ADAMTSL1: variants seen among roughly 807,000 people sequenced by gnomAD.
ADAMTSL1 encodes ADAMTS like 1.
Under a neutral mutation model 201.8 loss-of-function variants are expected in ADAMTSL1, and 126 were observed. That is an observed-to-expected ratio of 0.62 (90% CI 0.54 to 0.72). ADAMTSL1 has a LOEUF of 0.72. Ranked by LOEUF, ADAMTSL1 falls within the 30% of genes least tolerant of loss-of-function variation. ADAMTSL1 has a pLI of 0.00. For synonymous variants in ADAMTSL1, 1,121 were observed against 903.4 expected (o/e 1.24, Z -4.32); for missense variants, 2,679 against 2,277.8 (o/e 1.18, Z -3.59).
intron 1 of ADAMTSL1, among the ~76,000 whole-genome samples, chr9:17,955,425 A>T (rs532241920): frequency 2.0e-5 from 3 of 152,328 alleles, no homozygotes; most frequent in East Asian, 1.9e-4. Context: ...TGAAATTCTA[A>T]TAAAATTCCA....
intron 21 of ADAMTSL1, among the ~76,000 whole-genome samples, chr9:18,821,772 C>A (rs1354497760): frequency 6.6e-6 from 1 of 152,164 alleles, no homozygotes; most frequent in East Asian, 1.9e-4. Flanking sequence ...TAGAATTTCC[C>A]ATGTAAAGGT....
intron 1 of ADAMTSL1, among the ~76,000 whole-genome samples, chr9:18,125,295 A>G (rs955884277): frequency 6.6e-6 from 1 of 152,120 alleles, no homozygotes; most frequent in African/African-American, 2.4e-5. Context: ...CTCATTCACT[A>G]CCATGAGAAC....
At chr9:17,908,613 C>T (rs999359297) in intron 1 of ADAMTSL1, among the ~76,000 whole-genome samples, 6 of 152,048 alleles carry the variant, frequency 3.9e-5, no homozygotes, top group Non-Finnish European at 5.9e-5. Flanking sequence ...TTTGCCACGA[C>T]GCCTGGCTAA....
chr9:18,817,087 T>C (rs1823905633), intron 20 of ADAMTSL1, 22 bp from the exon 21 acceptor site: 1 of 1,607,334 alleles, frequency 6.2e-7, no homozygotes, highest in African/African-American at 1.3e-5. Context: ...AAGTAACATC[T>C]CATATTCTTT....
chr9:18,884,074 C>T (rs1828704909), intron 23 of ADAMTSL1, among the ~76,000 whole-genome samples: 1 of 151,874 alleles, frequency 6.6e-6, no homozygotes, highest in Non-Finnish European at 1.5e-5. Flanking sequence ...TATTTGCAAA[C>T]ATTTATATTT....
rs149747298 is a variant in ADAMTSL1 at position 18,871,907 on chromosome 9, C to T, written c.4250-15924C>T. On this transcript the variant is annotated intron_variant, in intron 23 of 28. Transcript: ENST00000380548. Reference sequence around the variant, plus strand: ...GATAATACCACTTCCCGTCTTCAGGCGTCTTCAGGCATCTTCAGGGATTCC... The same window carrying T: ...GATAATACCACTTCCCGTCTTCAGGTGTCTTCAGGCATCTTCAGGGATTCC... 3.2e-4 allele frequency among the ~76,000 whole-genome samples: 49 copies of T among 152,260 alleles called. No individual in the cohort carries two copies. In the East Asian group the frequency reaches 8.7e-3, roughly 27 times the overall value.
intron 26 of ADAMTSL1, 71 bp downstream of exon 26, chr9:18,892,667 A>C: frequency 3.4e-6 from 5 of 1,485,478 alleles, no homozygotes; most frequent in Non-Finnish European, 4.5e-6. Flanking sequence ...GTAGGAAGTG[A>C]AATGCTATCA....
chr9:18,197,928 G>C (rs934016123), intron 2 of ADAMTSL1, among the ~76,000 whole-genome samples: 6 of 152,028 alleles, frequency 3.9e-5, no homozygotes, highest in East Asian at 1.9e-4. Context: ...CAATGGAACA[G>C]AACAGAGCCC....
intron 13 of ADAMTSL1, among the ~76,000 whole-genome samples, chr9:18,701,692 C>A (rs1431135142): frequency 6.6e-6 from 1 of 152,084 alleles, no homozygotes; most frequent in African/African-American, 2.4e-5. Flanking sequence ...AAACCTATAC[C>A]TAAATTGAGT....
intron 15 of ADAMTSL1, among the ~76,000 whole-genome samples, chr9:18,747,691 A>G (rs767003543): frequency 6.6e-6 from 1 of 152,160 alleles, no homozygotes; most frequent in Non-Finnish European, 1.5e-5. Flanking sequence ...TAGTATTACT[A>G]TTGTTATTGG....
chr9:18,359,159 C>G (rs1836388158), intron 2 of ADAMTSL1, among the ~76,000 whole-genome samples: 1 of 151,680 alleles, frequency 6.6e-6, no homozygotes, highest in Non-Finnish European at 1.5e-5. Context: ...ACATGCTGGG[C>G]TGAAGTGACT....
chr9:18,798,223 T>C (rs1046147269), intron 20 of ADAMTSL1, among the ~76,000 whole-genome samples: 4 of 152,166 alleles, frequency 2.6e-5, no homozygotes, highest in African/African-American at 9.7e-5. Context: ...TCATAATGAT[T>C]CACAAAAGCA....
intron 1 of ADAMTSL1, among the ~76,000 whole-genome samples, chr9:17,944,262 G>A (rs536953725): frequency 2.2e-4 from 33 of 152,258 alleles, no homozygotes; most frequent in Middle Eastern, 3.4e-3. Context: ...TACAAGGGAC[G>A]TGAAGGACAT....
intron 15 of ADAMTSL1, among the ~76,000 whole-genome samples, chr9:18,726,133 T>C (rs1190954308): frequency 6.6e-6 from 1 of 152,226 alleles, no homozygotes; most frequent in East Asian, 1.9e-4. Flanking sequence ...GTACTTCTAG[T>C]TTAAAAGAAA....
chr9:18,775,539 C>G lies in ADAMTSL1; in HGVS notation c.2398-204C>G, dbSNP rs77808770. Among the ~76,000 whole-genome samples the G allele has an allele frequency of 7.9e-5, 12 of 152,278 alleles. No individual in the cohort carries two copies. The South Asian group carries it at 1.9e-3, about 24-fold the overall frequency. On this transcript the variant is annotated intron_variant, in intron 17 of 28. Coordinates refer to ENST00000380548, the MANE Select transcript of ADAMTSL1 (RefSeq NM_001040272.6). ...AATAGATAAAAGGTCTTCAGGAAAC[C>G]TCAGAGTAGAAAATCTTAGAGTGCA...
At chr9:18,874,286 C>G (rs755502162) in intron 23 of ADAMTSL1, among the ~76,000 whole-genome samples, 1 of 152,028 alleles carries the variant, frequency 6.6e-6, no homozygotes, top group Non-Finnish European at 1.5e-5. Context: ...CGCTTTCTTT[C>G]TTTTCTTTCT....
At chr9:18,180,519 C>G (rs1315875524) in intron 2 of ADAMTSL1, among the ~76,000 whole-genome samples, 1 of 117,840 alleles carries the variant, frequency 8.5e-6, no homozygotes, top group African/African-American at 3.3e-5. Flanking sequence ...GGTGACAGAG[C>G]GAGACTCCGT....
At chr9:18,623,949 A>T (rs148768953) in intron 5 of ADAMTSL1, among the ~76,000 whole-genome samples, 2 of 152,306 alleles carry the variant, frequency 1.3e-5, no homozygotes, top group Admixed American at 6.5e-5. Flanking sequence ...GTTGCTTTAA[A>T]TGGACTTATA....
intron 1 of ADAMTSL1, among the ~76,000 whole-genome samples, chr9:17,920,637 T>A (rs1034105501): frequency 2.0e-5 from 3 of 152,204 alleles, no homozygotes; most frequent in African/African-American, 7.2e-5. Context: ...CTAGATCCTG[T>A]GTCTTCAGCC....
Sources: gnomAD v4.1 joint callset for allele counts (sites outside exome capture counted in the v4.1 genomes callset) on GRCh38, gnomAD v4.1.1 for gene constraint, MANE v1.5 for transcripts, NCBI Gene and HGNC (gene_info 2026-07-23, HGNC 2026-07-21) for gene names.